The following NAALADL2 variants were observed in gnomAD, a reference collection of about 807,000 sequenced individuals.
NAALADL2 encodes the protein inactive N-acetylated-alpha-linked acidic dipeptidase-like protein 2.
Under a neutral mutation model 87.2 loss-of-function variants are expected in NAALADL2, and 76 were observed. The observed-to-expected ratio is 0.87, with a 90% CI of 0.72 to 1.05. The LOEUF (loss-of-function observed/expected upper bound fraction) is 1.05. Ranked by LOEUF, NAALADL2 falls within the 50% of genes least tolerant of loss-of-function variation. The probability of loss-of-function intolerance (pLI) is 0.00; values close to 1 mark genes in which losing one functional copy is unlikely to be tolerated. For synonymous variants in NAALADL2, 354 were observed against 331.0 expected, an observed-to-expected ratio of 1.07 and a Z score of -0.75; for missense variants, 1,089 against 945.8, an observed-to-expected ratio of 1.15 and a Z score of -1.99.
intron 2 of NAALADL2, among the ~76,000 whole-genome samples, chr3:175,169,255 A>T (rs1284799283): frequency 6.6e-6 from 1 of 151,624 alleles, no homozygotes; most frequent in Non-Finnish European, 1.5e-5. Flanking sequence ...ATACTTTTGG[A>T]TTAGTTATAC....
chr3:174,548,046 T>A (rs1711599049), intron 1 of NAALADL2, among the ~76,000 whole-genome samples: 1 of 152,198 alleles, frequency 6.6e-6, no homozygotes, highest in Non-Finnish European at 1.5e-5. Flanking sequence ...GGAGTATGTA[T>A]CAACAGCTTT....
rs764587503 is a variant in NAALADL2 at position 174,451,843 on chromosome 3, G to GTTTTTTTTT, written c.-184+10832_-184+10840dup. 7.9e-4 allele frequency among the ~76,000 whole-genome samples: 77 copies of GTTTTTTTTT among 98,080 alleles called. 2 individuals carry two copies. The highest frequency in any genetic ancestry group is 1.3e-3 in the East Asian group (4 of 3,110). The allele number at this position is 98,080 out of a possible 152,430, so 64.3% of individuals were successfully genotyped here. A position where few individuals can be genotyped will look rare whatever the true frequency, so the allele number is the denominator to read the frequency against. ...TAATGTAGTGCTAAGGATAGTGGGA[G>GTTTTTTTTT]TTTTTTTTTTTTTTTTTTTTTTTTT... On this transcript the variant is annotated intron_variant, in intron 1 of 3. Coordinates refer to the NAALADL2 transcript ENST00000434257.
chr3:174,930,912 A>C (rs113643976), intron 1 of NAALADL2, among the ~76,000 whole-genome samples: 18 of 151,550 alleles, frequency 1.2e-4, no homozygotes, highest in Admixed American at 1.2e-3. Context: ...ATGAGCCACC[A>C]CGCCCGGCCA....
intron 2 of NAALADL2, among the ~76,000 whole-genome samples, chr3:174,721,451 C>T (rs930281202): frequency 6.6e-6 from 1 of 152,108 alleles, no homozygotes; most frequent in African/African-American, 2.4e-5. Context: ...AAGACTGTGA[C>T]GCAGCGAGGC....
intron 1 of NAALADL2, among the ~76,000 whole-genome samples, chr3:174,882,496 CATAT>C (rs999354404): frequency 6.7e-6 from 1 of 149,962 alleles, no homozygotes; most frequent in Non-Finnish European, 1.5e-5. Context: ...TGTGCATATA[CATAT>C]ATGTGTATAT....
chr3:175,585,071 ATAT>A (rs1195593010), intron 10 of NAALADL2, among the ~76,000 whole-genome samples: 1 of 151,908 alleles, frequency 6.6e-6, no homozygotes, highest in East Asian at 1.9e-4. Context: ...AAAACCCAAC[ATAT>A]TATAGAGCTG....
intron 11 of NAALADL2, among the ~76,000 whole-genome samples, chr3:175,706,519 T>C (rs1739747869): frequency 1.3e-5 from 2 of 152,128 alleles, no homozygotes; most frequent in South Asian, 4.1e-4. Context: ...TTCTCACCTA[T>C]TTTTGGACCA....
intron 4 of NAALADL2, among the ~76,000 whole-genome samples, chr3:175,284,957 G>A (rs1360163126): frequency 6.6e-6 from 1 of 152,082 alleles, no homozygotes; most frequent in African/African-American, 2.4e-5. Context: ...AAAAGACAAA[G>A]TATATCCTTA....
chr3:175,641,234 G>C (rs1390386256), intron 11 of NAALADL2, among the ~76,000 whole-genome samples: 3 of 152,160 alleles, frequency 2.0e-5, no homozygotes, highest in African/African-American at 7.2e-5. Context: ...CTTTCCTGGA[G>C]ATGCTTTATA....
At chr3:175,030,730 G>C (rs969836044) in intron 1 of NAALADL2, among the ~76,000 whole-genome samples, 1 of 152,026 alleles carries the variant, frequency 6.6e-6, no homozygotes, top group African/African-American at 2.4e-5. Flanking sequence ...AAGTGTAGCA[G>C]TACAAATCTT....
intron 5 of NAALADL2, among the ~76,000 whole-genome samples, chr3:175,389,670 T>C (rs1435446441): frequency 3.3e-5 from 5 of 152,160 alleles, no homozygotes; most frequent in African/African-American, 1.2e-4. Flanking sequence ...TTCTAGAATT[T>C]ATTAAGCCTT....
chr3:174,713,352 A>G (rs925180221), intron 2 of NAALADL2, among the ~76,000 whole-genome samples: 1 of 152,132 alleles, frequency 6.6e-6, no homozygotes, highest in African/African-American at 2.4e-5. Flanking sequence ...TGGTATTTCT[A>G]GTTCTAGATC....
At chr3:175,348,154 C>T (rs565389886) in intron 5 of NAALADL2, among the ~76,000 whole-genome samples, 76 of 152,158 alleles carry the variant, frequency 5.0e-4, no homozygotes, top group Middle Eastern at 3.4e-3. Context: ...CAGGTTCAAG[C>T]GATTCTCCTG....
At chr3:175,560,215 T>C (rs1474838106) in intron 9 of NAALADL2, among the ~76,000 whole-genome samples, 1 of 152,180 alleles carries the variant, frequency 6.6e-6, no homozygotes, top group Non-Finnish European at 1.5e-5. Context: ...CCCAGTTTAG[T>C]GGCGTAGTTG....
rs1467707757 is a variant in NAALADL2, at chr3:174,772,822, G to A, written c.-9+35076G>A. Among the ~76,000 whole-genome samples the A allele has an allele frequency of 2.0e-5, 3 of 152,114 alleles. No homozygotes were observed. The East Asian group carries it at 5.8e-4, about 29-fold the overall frequency. On this transcript the variant is annotated intron_variant, in intron 3 of 3. Coordinates refer to the NAALADL2 transcript ENST00000434257. Reference sequence around the variant, plus strand: ...CTTGTTCATGTCAGTATCATCTTCTGATATAAAGTTCTAAAGTGCAATCTG... The same window carrying A: ...CTTGTTCATGTCAGTATCATCTTCTAATATAAAGTTCTAAAGTGCAATCTG...
chr3:174,755,762 C>G (rs1315308565), intron 3 of NAALADL2, among the ~76,000 whole-genome samples: 3 of 152,294 alleles, frequency 2.0e-5, no homozygotes, highest in Non-Finnish European at 2.9e-5. Flanking sequence ...GAGATTTAAT[C>G]AAATTTAAGA....
intron 4 of NAALADL2, among the ~76,000 whole-genome samples, chr3:175,281,925 C>G (rs1409409692): frequency 6.6e-6 from 1 of 151,864 alleles, no homozygotes; most frequent in African/African-American, 2.4e-5. Context: ...CCTATTTAAG[C>G]TGACTTGGAT....
intron 11 of NAALADL2, among the ~76,000 whole-genome samples, chr3:175,709,593 ATTACG>A: frequency 6.6e-6 from 1 of 152,146 alleles, no homozygotes; most frequent in African/African-American, 2.4e-5. Context: ...AAGAAAGCGT[ATTACG>A]CTGGAAATAA....
At chr3:175,100,066 T>A (rs1485446731) in intron 2 of NAALADL2, among the ~76,000 whole-genome samples, 2 of 151,628 alleles carry the variant, frequency 1.3e-5, no homozygotes, top group East Asian at 3.9e-4. Flanking sequence ...AATTATATTA[T>A]GATTACTCAG....
Sources: allele counts gnomAD v4.1 joint callset (sites outside exome capture counted in the v4.1 genomes callset), GRCh38; gene constraint gnomAD v4.1.1; transcripts MANE v1.5; gene names NCBI Gene and HGNC (gene_info 2026-07-23, HGNC 2026-07-21).